The following WDR70 variants were observed in gnomAD, a reference collection of about 807,000 sequenced individuals.
WDR70 encodes the protein WD repeat-containing protein 70.
A neutral mutation model predicts 88.6 loss-of-function variants in WDR70; 53 were observed. The ratio of observed to expected loss-of-function variants is 0.60; its 90% confidence interval spans 0.48 to 0.75. The LOEUF (loss-of-function observed/expected upper bound fraction) is 0.75. WDR70 is among the 30% of genes least tolerant of loss of function. The pLI is 0.00. For missense variants in WDR70, 610 were observed against 823.2 expected (o/e 0.74, Z 3.17); for synonymous variants, 280 against 270.0 (o/e 1.04, Z -0.36).
At chr5:37,653,032 A>G (rs141065906) in intron 10 of WDR70, among the ~76,000 whole-genome samples, 420 of 152,280 alleles carry the variant, frequency 2.8e-3, no homozygotes, top group African/African-American at 9.7e-3. Flanking sequence ...TTCAAAGGGA[A>G]TGCTTCCAGC....
intron 5 of WDR70, among the ~76,000 whole-genome samples, chr5:37,419,038 AC>A (rs1277636505): frequency 1.4e-5 from 2 of 142,496 alleles, no homozygotes; most frequent in African/African-American, 6.3e-5. Context: ...TGCTGGGATT[AC>A]AGGTGTGAGC....
At chr5:37,389,387 C>A (rs1386854145) in intron 3 of WDR70, among the ~76,000 whole-genome samples, 2 of 151,348 alleles carry the variant, frequency 1.3e-5, no homozygotes, top group African/African-American at 4.9e-5. Context: ...AACCATCACG[C>A]CCGGCTTCAG....
intron 10 of WDR70, among the ~76,000 whole-genome samples, chr5:37,622,580 T>C (rs1482994670): frequency 6.6e-6 from 1 of 152,230 alleles, no homozygotes; most frequent in Non-Finnish European, 1.5e-5. Context: ...GGTGAGTTCA[T>C]GTCCTTTGTA....
chr5:37,545,651 A>T (rs1250030678), intron 9 of WDR70, among the ~76,000 whole-genome samples: 1 of 151,836 alleles, frequency 6.6e-6, no homozygotes, highest in Non-Finnish European at 1.5e-5. Context: ...TCTCCTGAGT[A>T]GCTGGGATTA....
At chr5:37,678,068 G>A (rs1301088190) in intron 10 of WDR70, among the ~76,000 whole-genome samples, 4 of 151,566 alleles carry the variant, frequency 2.6e-5, no homozygotes, top group Admixed American at 2.6e-4. Context: ...GCCTTTTTTT[G>A]TTTTCCATTT....
intron 7 of WDR70, among the ~76,000 whole-genome samples, chr5:37,444,066 T>C (rs1738380820): frequency 6.6e-6 from 1 of 151,592 alleles, no homozygotes; most frequent in Admixed American, 6.6e-5. Flanking sequence ...GGAGAATTGC[T>C]TGAACCCGGG....
chr5:37,514,253 A>G (rs1016658902), intron 8 of WDR70, among the ~76,000 whole-genome samples: 9 of 147,380 alleles, frequency 6.1e-5, no homozygotes, highest in Non-Finnish European at 1.2e-4. Context: ...TGCGGACCTT[A>G]AGTGATTGTT....
At position 37,653,560 on chromosome 5, in the gene WDR70, A is replaced by C. The variant is rs1034738298; in HGVS notation, c.1093-44095A>C. On this transcript the variant is annotated intron_variant, in intron 10 of 17. Transcript: ENST00000265107. ...TCTGGTAGAATTCTGCTGTGAATCC[A>C]TCTGGTCCTGGGCTTTTTTTGGTTA... Among the ~76,000 whole-genome samples, 9 of 152,044 alleles carry C rather than the reference A, an allele frequency of 5.9e-5. 1 individual carries two copies. Among genetic ancestry groups the C allele is most frequent in the Non-Finnish European group, 4.4e-5 (3 of 67,992 alleles).
intron 10 of WDR70, among the ~76,000 whole-genome samples, chr5:37,643,885 C>T (rs951754862): frequency 5.3e-5 from 8 of 151,830 alleles, no homozygotes; most frequent in East Asian, 1.9e-4. Flanking sequence ...AGGTTTTTGA[C>T]GGAGTCTTTA....
chr5:37,506,725 CATT>C, intron 8 of WDR70: 1 of 888,764 alleles, frequency 1.1e-6, no homozygotes, highest in Non-Finnish European at 1.9e-6. Context: ...CCACCTTTCT[CATT>C]ATACACACTG....
intron 8 of WDR70, among the ~76,000 whole-genome samples, chr5:37,497,393 T>TC: frequency 1.7e-5 from 1 of 58,658 alleles, no homozygotes; most frequent in South Asian, 7.6e-4. Context: ...TCCCCTTCCC[T>TC]CCCTTTCCTT....
At chr5:37,581,435 G>A (rs1453476033) in intron 9 of WDR70, among the ~76,000 whole-genome samples, 1 of 152,154 alleles carries the variant, frequency 6.6e-6, no homozygotes, top group East Asian at 1.9e-4. Flanking sequence ...TCACCAGTTA[G>A]GAGACAGGAG....
intron 8 of WDR70, among the ~76,000 whole-genome samples, chr5:37,497,004 C>T (rs576960548): frequency 6.6e-6 from 1 of 152,284 alleles, no homozygotes; most frequent in African/African-American, 2.4e-5. Flanking sequence ...CTGGGCATGT[C>T]TTGGATTATT....
intron 10 of WDR70, among the ~76,000 whole-genome samples, chr5:37,679,351 A>G (rs1746349345): frequency 6.6e-6 from 1 of 150,400 alleles, no homozygotes; most frequent in Non-Finnish European, 1.5e-5. Flanking sequence ...TTTTTTCCCC[A>G]TCTTTATGGT....
chr5:37,703,325 CCCTCT>C (rs1414506029), intron 13 of WDR70, among the ~76,000 whole-genome samples: 1 of 152,168 alleles, frequency 6.6e-6, no homozygotes, highest in African/African-American at 2.4e-5. Flanking sequence ...AGCTGGGTTT[CCCTCT>C]CTGCCAAACA....
At chr5:37,494,444 C>A (rs1740157395) in intron 8 of WDR70, among the ~76,000 whole-genome samples, 1 of 152,118 alleles carries the variant, frequency 6.6e-6, no homozygotes, top group African/African-American at 2.4e-5. Context: ...TTTGGATGGA[C>A]TACGGTGACT....
rs116797108 is a variant in WDR70 at position 37,472,432 on chromosome 5, T to C, written c.687-7402T>C. Among the ~76,000 whole-genome samples the C allele has an allele frequency of 1.9e-3, 283 of 152,234 alleles. 3 individuals carry two copies. The highest frequency in any genetic ancestry group is 6.6e-3 in the African/African-American group (274 of 41,440). ...CTCAATAAAATGTTTATGACATTTA[T>C]CCATGTATTTCATTGCATGAATATA... is the stretch of plus-strand genomic sequence containing the variant. On this transcript the variant is annotated intron_variant, in intron 7 of 17. Transcript: ENST00000265107.
At chr5:37,507,310 G>C (rs1335381892) in intron 8 of WDR70, among the ~76,000 whole-genome samples, 1 of 152,098 alleles carries the variant, frequency 6.6e-6, no homozygotes, top group East Asian at 1.9e-4. Flanking sequence ...ATCAAGTTCA[G>C]GTATTTGAGG....
At chr5:37,558,462 G>A (rs1362673309) in intron 9 of WDR70, among the ~76,000 whole-genome samples, 1 of 151,590 alleles carries the variant, frequency 6.6e-6, no homozygotes, top group Non-Finnish European at 1.5e-5. Flanking sequence ...GGGACTATAG[G>A]TGCACACCAC....
Sources: allele counts gnomAD v4.1 joint callset (sites outside exome capture counted in the v4.1 genomes callset), GRCh38; gene constraint gnomAD v4.1.1; transcripts MANE v1.5; gene names NCBI Gene and HGNC (gene_info 2026-07-23, HGNC 2026-07-21).